The following PPP2R2B variants were observed in gnomAD, a reference collection of about 807,000 sequenced individuals.
PPP2R2B encodes serine/threonine-protein phosphatase 2A 55 kDa regulatory subunit B beta isoform.
In PPP2R2B, 5 loss-of-function variants were observed where a neutral mutation model predicts 46.0. That is an observed-to-expected ratio of 0.11 (90% confidence interval 0.06 to 0.23). The LOEUF is 0.23. Among genes scored for constraint, PPP2R2B ranks in the 10% least tolerant of loss-of-function variants. The probability of loss-of-function intolerance (pLI) is 1.00; values close to 1 mark genes in which losing one functional copy is unlikely to be tolerated. For synonymous variants in PPP2R2B, 215 were observed against 206.7 expected (o/e 1.04, Z -0.34); for missense variants, 367 against 575.0 (o/e 0.64, Z 3.70).
intron 6 of PPP2R2B, among the ~76,000 whole-genome samples, chr5:146,641,480 T>C (rs1895360): frequency 0.97 from 145,870 of 151,100 alleles, 70,512 homozygotes; most frequent in East Asian, 1. Flanking sequence ...TTTTCCAGAA[T>C]CAGAATTTTT....
chr5:146,655,420 G>A (rs562541057), intron 5 of PPP2R2B, among the ~76,000 whole-genome samples: 10 of 151,616 alleles, frequency 6.6e-5, no homozygotes, highest in African/African-American at 2.0e-4. Context: ...GAGGCCTTCC[G>A]TGACCATCCC....
intron 7 of PPP2R2B, among the ~76,000 whole-genome samples, chr5:146,627,941 C>T (rs921152526): frequency 6.6e-6 from 1 of 151,898 alleles, no homozygotes; most frequent in Non-Finnish European, 1.5e-5. Flanking sequence ...TTCACAGAAA[C>T]ATCTCAGATT....
intron 1 of PPP2R2B, among the ~76,000 whole-genome samples, chr5:147,048,567 AAAG>A (rs559202874): frequency 5.0e-4 from 76 of 152,294 alleles, no homozygotes; most frequent in Non-Finnish European, 9.7e-4. Flanking sequence ...GGGAAATATG[AAAG>A]AAGAATATGA....
chr5:146,624,521 C>T (rs1284834917), intron 7 of PPP2R2B, among the ~76,000 whole-genome samples: 1 of 152,170 alleles, frequency 6.6e-6, no homozygotes, highest in Admixed American at 6.5e-5. Context: ...AAGCCATGCT[C>T]ATCTCTTACC....
Position 146,812,813 on chromosome 5 carries a change from A to ATATATATG in PPP2R2B, c.70+65188_70+65189insCATATATA, listed in dbSNP as rs1554140178. Among the ~76,000 whole-genome samples, 10 of 67,712 alleles carry ATATATATG rather than the reference A, an allele frequency of 1.5e-4. 1 individual carries two copies. The highest frequency in any genetic ancestry group is 2.3e-4 in the Non-Finnish European group (8 of 35,358). 44.4% of individuals were successfully genotyped at this position (67,712 alleles called of 152,430 possible). On this transcript the variant is annotated intron_variant, in intron 2 of 9. Transcript: ENST00000394411. ...TGTGTGTATATATATATATATATAT[A>ATATATATG]TATATATATATATATACACACACAT...
rs536438877 is a variant in PPP2R2B, at chr5:146,915,480, A to G, written c.79+140185T>C. 2.4e-4 allele frequency among the ~76,000 whole-genome samples: 27 copies of G among 111,198 alleles called. 1 individual carries two copies. In the East Asian group the frequency reaches 0.011, roughly 45 times the overall value. The allele number at this position is 111,198 out of a possible 152,430, so 73.0% of individuals were successfully genotyped here. A position where few individuals can be genotyped will look rare whatever the true frequency, so the allele number is the denominator to read the frequency against. ...CACACACACACACACACACGTACACATGTGTGCAATTTACATACCCCTCCC... is the reference window on the plus strand; with the variant it reads ...CACACACACACACACACACGTACACGTGTGTGCAATTTACATACCCCTCCC... On this transcript the variant is annotated intron_variant, in intron 1 of 8. Coordinates refer to the PPP2R2B transcript ENST00000336640.
chr5:146,729,466 G>A (rs573245935), intron 2 of PPP2R2B, among the ~76,000 whole-genome samples: 45 of 152,310 alleles, frequency 3.0e-4, no homozygotes, highest in African/African-American at 1.0e-3. Context: ...TAAGTAGCAG[G>A]AGCCTAATGT....
In PPP2R2B at chr5:146,873,757, T is replaced by C. The variant is rs545771818; in HGVS notation, c.70+4245A>G. 2.6e-5 allele frequency among the ~76,000 whole-genome samples: 4 copies of C among 152,308 alleles called. No homozygotes were observed. In the East Asian group the frequency reaches 5.8e-4, roughly 22 times the overall value. On this transcript the variant is annotated intron_variant, in intron 2 of 9. Transcript: ENST00000394411. Reference sequence around the variant, plus strand: ...TCCTGAGTAGCTGGGATTACAGGCATACACCACCATGGCTGGCCAGTGACT... The same window carrying C: ...TCCTGAGTAGCTGGGATTACAGGCACACACCACCATGGCTGGCCAGTGACT...
chr5:146,709,203 A>G (rs906883464), intron 2 of PPP2R2B, among the ~76,000 whole-genome samples: 1 of 152,200 alleles, frequency 6.6e-6, no homozygotes, highest in African/African-American at 2.4e-5. Flanking sequence ...AAGAATACAG[A>G]TAGAAGGGTC....
chr5:146,640,367 G>A, intron 6 of PPP2R2B, among the ~76,000 whole-genome samples: 1 of 152,216 alleles, frequency 6.6e-6, no homozygotes, highest in East Asian at 1.9e-4. Context: ...ACTTCTGCCA[G>A]AGTTATAAAT....
At chr5:146,951,491 C>T (rs1033247543) in intron 1 of PPP2R2B, among the ~76,000 whole-genome samples, 7 of 151,962 alleles carry the variant, frequency 4.6e-5, no homozygotes, top group African/African-American at 1.7e-4. Context: ...GCTATTTTTC[C>T]TGATGCTCTC....
intron 5 of PPP2R2B, among the ~76,000 whole-genome samples, chr5:146,658,126 T>C (rs1196932062): frequency 6.6e-6 from 1 of 152,186 alleles, no homozygotes; most frequent in Non-Finnish European, 1.5e-5. Flanking sequence ...TTGGGAAGGC[T>C]GCTTGACCTA....
intron 1 of PPP2R2B, among the ~76,000 whole-genome samples, chr5:146,893,013 G>T (rs182904689): frequency 3.7e-4 from 57 of 152,046 alleles, no homozygotes; most frequent in African/African-American, 1.3e-3. Flanking sequence ...AACCCTATGC[G>T]CAGAAACAGT....
At chr5:146,976,440 A>T (rs1752909549) in intron 1 of PPP2R2B, among the ~76,000 whole-genome samples, 1 of 152,042 alleles carries the variant, frequency 6.6e-6, no homozygotes. Context: ...CCCGGCCAAC[A>T]GTTTTATAGT....
intron 2 of PPP2R2B, among the ~76,000 whole-genome samples, chr5:146,866,292 A>G (rs1215214377): frequency 1.3e-5 from 2 of 152,238 alleles, no homozygotes; most frequent in African/African-American, 4.8e-5. Context: ...AACTTTGTAC[A>G]GAAAAATTAT....
At chr5:146,903,119 A>G (rs1762887711) in intron 1 of PPP2R2B, among the ~76,000 whole-genome samples, 1 of 152,186 alleles carries the variant, frequency 6.6e-6, no homozygotes, top group South Asian at 2.1e-4. Flanking sequence ...ACATAATGTA[A>G]TGCTACTCTT....
At chr5:146,915,350 CATT>C (rs1763343615) in intron 1 of PPP2R2B, among the ~76,000 whole-genome samples, 2 of 152,200 alleles carry the variant, frequency 1.3e-5, no homozygotes, top group South Asian at 4.1e-4. Flanking sequence ...CAATGCAAAA[CATT>C]CTTCTTACAG....
intron 7 of PPP2R2B, among the ~76,000 whole-genome samples, chr5:146,609,324 C>A (rs1453608109): frequency 6.6e-6 from 1 of 152,180 alleles, no homozygotes; most frequent in Non-Finnish European, 1.5e-5. Flanking sequence ...ACCACTGTTG[C>A]TCAACATAGT....
At chr5:146,869,683 C>T (rs887566015) in intron 2 of PPP2R2B, among the ~76,000 whole-genome samples, 15 of 152,126 alleles carry the variant, frequency 9.9e-5, no homozygotes, top group African/African-American at 3.6e-4. Flanking sequence ...GTGGGATGGG[C>T]ATGGGATGGA....
Sources: allele counts gnomAD v4.1 joint callset (sites outside exome capture counted in the v4.1 genomes callset), GRCh38; gene constraint gnomAD v4.1.1; transcripts MANE v1.5; gene names NCBI Gene and HGNC (gene_info 2026-07-23, HGNC 2026-07-21).